Variants in CACNG5 observed in about 807,000 individuals in gnomAD.
CACNG5 encodes voltage-dependent calcium channel gamma-5 subunit.
A neutral mutation model predicts 24.8 loss-of-function variants in CACNG5; 18 were observed. That is an observed-to-expected ratio of 0.73 (90% CI 0.50 to 1.08). CACNG5 has a LOEUF of 1.08. Among genes scored for constraint, CACNG5 ranks in the 50% least tolerant of loss-of-function variants. The pLI is 0.00. For synonymous variants in CACNG5, 157 were observed against 149.1 expected (o/e 1.05, Z -0.39); for missense variants, 349 against 367.9 (o/e 0.95, Z 0.42).
chr17:66,836,126 G>A (rs967871053), intron 1 of CACNG5, among the ~76,000 whole-genome samples: 4 of 152,140 alleles, frequency 2.6e-5, no homozygotes, highest in Non-Finnish European at 4.4e-5. Flanking sequence ...GGCTGCCTCC[G>A]GTACCTGCCA....
intron 1 of CACNG5, among the ~76,000 whole-genome samples, chr17:66,865,857 G>A (rs1351659424): frequency 6.7e-6 from 1 of 148,158 alleles, no homozygotes; most frequent in Non-Finnish European, 1.5e-5. Flanking sequence ...TAGCCAGGAT[G>A]GTCTCGATCT....
Position 66,880,567 on chromosome 17 carries a change from C to T in CACNG5, c.294C>T (p.Arg98=). 1.2e-6 allele frequency: 2 copies of T among 1,614,196 alleles called. No homozygotes were observed. The highest frequency in any genetic ancestry group is 1.3e-5 in the African/African-American group (1 of 75,054). The change falls in exon 4 of 6, where the codon CGC becomes CGT. Residue 98 remains arginine (R), a synonymous_variant. Coordinates refer to ENST00000533854, the MANE Select transcript of CACNG5 (RefSeq NM_145811.3). ...ESTVNVLKMI[R]SATPFPLVSL... ...TGTCCCGTTAATTAGAGATGATCCG[C>T]TCAGCCACACCATTCCCTCTGGTCA...
chr17:66,885,063 C>G lies in CACNG5; in HGVS notation c.651C>G (p.Tyr217Ter). The G allele has an allele frequency of 2.5e-6, 4 of 1,614,202 alleles. No homozygotes were observed. Among genetic ancestry groups the G allele is most frequent in the Non-Finnish European group, 3.4e-6 (4 of 1,180,016 alleles). ...TGTACAGGCCCCACCCTGGCTTCTA[C>G]CGCCCTCGGCTGAGCAACTGCTCCG... Reference protein sequence around the residue: ...EDMYRPHPGFYRPRLSNCSDY... With the variant: ...EDMYRPHPGF Residue 217 changes from tyrosine to a stop codon, truncating the protein, a stop_gained, in exon 6 of 6, where the codon TAC becomes TAG. Coordinates refer to ENST00000533854, the MANE Select transcript of CACNG5 (RefSeq NM_145811.3). LOFTEE classifies it high-confidence loss of function.
At chr17:66,873,164 C>T (rs930244574) in intron 1 of CACNG5, among the ~76,000 whole-genome samples, 2 of 152,186 alleles carry the variant, frequency 1.3e-5, no homozygotes, top group African/African-American at 2.4e-5. Context: ...TGATGAAACC[C>T]TGTACCTGAA....
Position 66,870,300 on chromosome 17 carries a change from T to G in CACNG5, c.-103-6930T>G, listed in dbSNP as rs558483467. On this transcript the variant is annotated intron_variant, in intron 1 of 5. Coordinates refer to ENST00000533854, the MANE Select transcript of CACNG5 (RefSeq NM_145811.3). Reference sequence around the variant, plus strand: ...ATCCATCCAAGGTGGCCCAATCCCATGGCTGGCAGCTAGTGCTGGCCACTG... The same window carrying G: ...ATCCATCCAAGGTGGCCCAATCCCAGGGCTGGCAGCTAGTGCTGGCCACTG... Among the ~76,000 whole-genome samples, 5 of 152,236 alleles carry G rather than the reference T, an allele frequency of 3.3e-5. No homozygotes were observed. The East Asian group carries it at 9.7e-4, about 29-fold the overall frequency.
chr17:66,879,005 A>G lies in CACNG5; in HGVS notation c.230A>G (p.Tyr77Cys). 6.2e-7 allele frequency: 1 copy of G among 1,613,888 alleles called. No homozygotes were observed. Among genetic ancestry groups the G allele is most frequent in the Non-Finnish European group, 8.5e-7 (1 of 1,179,880 alleles). ...EERGRCFTIE[Y>C]VMPMNTQLTS... ...CGGGGGCGTTGCTTCACCATAGAAT[A>G]TGTGATGCCCATGAACACCCAGCTG... is the stretch of plus-strand genomic sequence containing the variant. The change falls in exon 3 of 6, where the codon TAT (tyrosine) becomes TGT (cysteine). Residue 77 changes from tyrosine (Y) to cysteine (C), a missense_variant. Tyr to Cys is a radical substitution (Grantham distance 194). Coordinates refer to ENST00000533854, the MANE Select transcript of CACNG5 (RefSeq NM_145811.3).
intron 1 of CACNG5, among the ~76,000 whole-genome samples, chr17:66,841,028 T>C (rs966279198): frequency 2.6e-5 from 4 of 152,114 alleles, no homozygotes; most frequent in African/African-American, 4.8e-5. Context: ...ATTTAGGAAG[T>C]TGATTTTGCC....
chr17:66,862,437 A>G (rs1409511630), intron 1 of CACNG5, among the ~76,000 whole-genome samples: 5 of 151,984 alleles, frequency 3.3e-5, no homozygotes, highest in African/African-American at 9.7e-5. Flanking sequence ...GTCTCTCTGT[A>G]TATGTGTGTG....
intron 1 of CACNG5, among the ~76,000 whole-genome samples, chr17:66,852,257 G>C (rs1976716775): frequency 6.6e-6 from 1 of 152,120 alleles, no homozygotes; most frequent in South Asian, 2.1e-4. Context: ...GTCTTCCCTG[G>C]TTCTGAGGCT....
intron 4 of CACNG5, among the ~76,000 whole-genome samples, chr17:66,882,570 G>A (rs1482057118): frequency 1.3e-5 from 2 of 152,172 alleles, no homozygotes; most frequent in Admixed American, 1.3e-4. Context: ...TTTTCAAGGT[G>A]ACCTGTGCAT....
intron 1 of CACNG5, among the ~76,000 whole-genome samples, chr17:66,848,423 C>T (rs1393334716): frequency 3.9e-5 from 6 of 152,206 alleles, no homozygotes; most frequent in East Asian, 3.9e-4. Context: ...GGCCAGAACC[C>T]GGCTTAATCA....
rs775614353 is a variant in CACNG5, at chr17:66,884,594, A to G, written c.503A>G (p.Glu168Gly). ...ATGCTCAACAGGACCAAGGATGCAG[A>G]GACCTACTTCAACTACAAGTATGGG... ...DEMLNRTKDAETYFNYKYGWS... is the reference protein window; with the variant it reads ...DEMLNRTKDAGTYFNYKYGWS... The change falls in exon 5 of 6, where the codon GAG becomes GGG. Residue 168 changes from glutamate (E) to glycine (G), a missense_variant. By Grantham distance (98) the Glu-to-Gly change is moderately conservative (BLOSUM62 -2). Transcript: ENST00000533854. 1 of 1,614,144 alleles carries G rather than the reference A, an allele frequency of 6.2e-7. No homozygotes were observed. The highest frequency in any genetic ancestry group is 1.1e-5 in the South Asian group (1 of 91,076).
At position 66,888,674 on chromosome 17, in the gene CACNG5, C is replaced by T. The variant is rs931428840; in HGVS notation, c.*3434C>T. ...GCTTCTGGACGATTTCAGTCAGGAGCACTCTCTCTTACAGACCAAGAGTAT... is the reference window on the plus strand; with the variant it reads ...GCTTCTGGACGATTTCAGTCAGGAGTACTCTCTCTTACAGACCAAGAGTAT... On this transcript the variant is annotated 3_prime_UTR_variant, in exon 6 of 6. Transcript: ENST00000533854. 6.6e-6 allele frequency among the ~76,000 whole-genome samples: 1 copy of T among 151,892 alleles called. No homozygotes were observed. The highest frequency in any genetic ancestry group is 1.5e-5 in the Non-Finnish European group (1 of 68,008).
chr17:66,881,955 T>C (rs1000558802), intron 4 of CACNG5, among the ~76,000 whole-genome samples: 1 of 152,070 alleles, frequency 6.6e-6, no homozygotes, highest in Admixed American at 6.6e-5. Flanking sequence ...GTCTTATGGA[T>C]TCGGGACTTT....
chr17:66,850,599 T>TACACAC (rs56797058), intron 1 of CACNG5, among the ~76,000 whole-genome samples: 6,312 of 142,348 alleles, frequency 0.044, 445 homozygotes, highest in African/African-American at 0.17. Flanking sequence ...CACAAATACA[T>TACACAC]ACACACACAC....
At chr17:66,857,355 G>A (rs990126025) in intron 1 of CACNG5, among the ~76,000 whole-genome samples, 2 of 152,142 alleles carry the variant, frequency 1.3e-5, no homozygotes, top group South Asian at 2.1e-4. Flanking sequence ...CTGAGAACAC[G>A]TTTTTAAACT....
chr17:66,867,849 TGC>T (rs1598055895), intron 1 of CACNG5, among the ~76,000 whole-genome samples: 1 of 152,226 alleles, frequency 6.6e-6, no homozygotes, highest in Non-Finnish European at 1.5e-5. Context: ...TGCATACCAG[TGC>T]CACGCTGTTT....
chr17:66,841,345 G>A (rs761426105), intron 1 of CACNG5, among the ~76,000 whole-genome samples: 1 of 152,186 alleles, frequency 6.6e-6, no homozygotes, highest in Non-Finnish European at 1.5e-5. Context: ...AATAGAATGG[G>A]AGGCAAGTTT....
Position 66,886,498 on chromosome 17 carries a change from C to A in CACNG5, c.*1258C>A, listed in dbSNP as rs1977263020. 6.6e-6 allele frequency among the ~76,000 whole-genome samples: 1 copy of A among 152,230 alleles called. No individual in the cohort carries two copies. Among genetic ancestry groups the A allele is most frequent in the African/African-American group, 2.4e-5 (1 of 41,462 alleles). ...CTCCGTAAGTCCACAGAAGCCACTG[C>A]AAGCCATGCCCCCCTTCAGCTCTCC... is the stretch of plus-strand genomic sequence containing the variant. On this transcript the variant is annotated 3_prime_UTR_variant, in exon 6 of 6. Transcript: ENST00000533854.
Sources: allele counts gnomAD v4.1 joint callset (sites outside exome capture counted in the v4.1 genomes callset), GRCh38; gene constraint gnomAD v4.1.1; transcripts MANE v1.5; gene names NCBI Gene and HGNC (gene_info 2026-07-23, HGNC 2026-07-21).